Variants in PC observed in about 807,000 individuals in gnomAD.
PC encodes pyruvate carboxylase, also known as pyruvate carboxylase, mitochondrial.
Under a neutral mutation model 107.8 loss-of-function variants are expected in PC, and 46 were observed. The observed-to-expected ratio is 0.43, with a 90% confidence interval of 0.34 to 0.55. The LOEUF (loss-of-function observed/expected upper bound fraction) is 0.55. Among genes scored for constraint, PC ranks in the 20% least tolerant of loss-of-function variants. The probability of loss-of-function intolerance (pLI) is 0.04; values close to 1 mark genes in which losing one functional copy is unlikely to be tolerated. For missense variants in PC, 1,241 were observed against 1,643.1 expected (o/e 0.76, Z 4.23); for synonymous variants, 662 against 684.7 (o/e 0.97, Z 0.52).
At chr11:66,951,401 G>C (rs2136155084) in intron 3 of PC, among the ~76,000 whole-genome samples, 1 of 152,220 alleles carries the variant, frequency 6.6e-6, no homozygotes, top group Non-Finnish European at 1.5e-5. Context: ...TTTAGGCTGA[G>C]GGGAGGCCAC....
Position 66,852,494 on chromosome 11 carries a change from G to A in PC, c.1770C>T (p.Ile590=), listed in dbSNP as rs199923862. The change falls in exon 15 of 23, where the codon ATC becomes ATT. Residue 590 remains isoleucine (I), a synonymous_variant. Transcript: ENST00000393960. The surrounding 1 kb of genome is among the most constrained non-coding windows in gnomAD (Gnocchi z 4.7). Reference sequence around the variant, plus strand: ...TGAAGTTGTGGGCAACATAGGGGGCGATCTTTTTGAGATCGTGGGTGCGCA... The same window carrying A: ...TGAAGTTGTGGGCAACATAGGGGGCAATCTTTTTGAGATCGTGGGTGCGCA... ...TRVRTHDLKK[I]APYVAHNFSK... 4.0e-5 allele frequency: 65 copies of A among 1,614,066 alleles called. No individual in the cohort carries two copies. The highest frequency in any genetic ancestry group is 5.3e-5 in the African/African-American group (4 of 75,046).
intron 3 of PC, among the ~76,000 whole-genome samples, chr11:66,942,538 A>G (rs1217421995): frequency 1.3e-5 from 2 of 152,186 alleles, no homozygotes; most frequent in Non-Finnish European, 2.9e-5. Context: ...GAGCAGTCCA[A>G]TTCAGAGACA....
At chr11:66,868,351 G>A (rs1413029708) in intron 10 of PC, among the ~76,000 whole-genome samples, 1 of 152,234 alleles carries the variant, frequency 6.6e-6, no homozygotes, top group Non-Finnish European at 1.5e-5. Flanking sequence ...CAGAATTATG[G>A]CCTGGGGAAA....
rs1376252030 is a variant in PC at position 66,870,200 on chromosome 11, G to C, written c.903+102C>G. On this transcript the variant is annotated intron_variant, in intron 9 of 22. Transcript: ENST00000393960. The surrounding 1 kb of genome is among the most constrained non-coding windows in gnomAD (Gnocchi z 6.1). ...CTCTTCTCCCCATCCCCAGTCCCCA[G>C]AAGGGGACTCAGGGTCCCCTTCCCC... 7.1e-7 allele frequency: 1 copy of C among 1,418,082 alleles called. No homozygotes were observed. Among genetic ancestry groups the C allele is most frequent in the Non-Finnish European group, 9.8e-7 (1 of 1,018,872 alleles). The allele number at this position is 1,418,082 out of a possible 1,614,324, so 87.8% of individuals were successfully genotyped here.
chr11:66,937,553 T>C (rs1261831343), intron 3 of PC, among the ~76,000 whole-genome samples: 2 of 152,130 alleles, frequency 1.3e-5, no homozygotes, highest in Non-Finnish European at 2.9e-5. Context: ...TCTCCTCTCC[T>C]TCTGGGACTC....
At position 66,872,003 on chromosome 11, in the gene PC, AC is replaced by A. The variant is rs1946755125; in HGVS notation, c.136+20del. ...CTGGGGCGGCCATGAGGCTCCTCTC[AC>A]CGGCCCCACTGGTGCTCACCTCTGT... On this transcript the variant is annotated intron_variant, in intron 4 of 22. Transcript: ENST00000393960. The A allele has an allele frequency of 1.3e-6, 2 of 1,556,932 alleles. No homozygotes were observed. Among genetic ancestry groups the A allele is most frequent in the Non-Finnish European group, 1.7e-6 (2 of 1,150,312 alleles).
At chr11:66,936,965 C>G (rs561985225) in intron 3 of PC, among the ~76,000 whole-genome samples, 1 of 152,130 alleles carries the variant, frequency 6.6e-6, no homozygotes, top group African/African-American at 2.4e-5. Flanking sequence ...GCCTCAGCCC[C>G]CTAAGTAGCT....
intron 3 of PC, among the ~76,000 whole-genome samples, chr11:66,909,283 T>C (rs1297295399): frequency 1.3e-5 from 2 of 152,186 alleles, no homozygotes; most frequent in East Asian, 3.9e-4. Flanking sequence ...AGTATCTGCA[T>C]GGAGCCTGCA....
chr11:66,863,991 G>A (rs773051907), intron 11 of PC, 35 bp from the exon 12 acceptor site: 1 of 1,611,282 alleles, frequency 6.2e-7, no homozygotes, highest in African/African-American at 1.3e-5. Flanking sequence ...ACCTGCGCCA[G>A]AAACTGCGGT....
chr11:66,858,853 C>T lies in PC; in HGVS notation c.1368+4921G>A, dbSNP rs749886260. The T allele has an allele frequency of 6.4e-7, 1 of 1,553,476 alleles. No homozygotes were observed. Among genetic ancestry groups the T allele is most frequent in the South Asian group, 1.2e-5 (1 of 85,992 alleles). ...GCCCGAGTAGAACTGCGGGTGCTGGCCTTGCCCCATGGTGGGAACAGCAGT... is the reference window on the plus strand; with the variant it reads ...GCCCGAGTAGAACTGCGGGTGCTGGTCTTGCCCCATGGTGGGAACAGCAGT... On this transcript the variant is annotated intron_variant, in intron 12 of 22. Transcript: ENST00000393960. This position sits in a 1 kb window ranked among gnomAD's most constrained non-coding sequence, Gnocchi z 5.9.
chr11:66,920,908 G>A (rs931042698), intron 3 of PC, among the ~76,000 whole-genome samples: 1 of 152,052 alleles, frequency 6.6e-6, no homozygotes, highest in African/African-American at 2.4e-5. Context: ...CATGGTGGTA[G>A]GTGCCTGTAG....
At chr11:66,926,586 C>T (rs1019069334) in intron 3 of PC, among the ~76,000 whole-genome samples, 2 of 152,300 alleles carry the variant, frequency 1.3e-5, no homozygotes, top group Admixed American at 6.5e-5. Context: ...TAATGATGCA[C>T]ATATTCTGGT....
rs1946385046 is a variant in PC at position 66,863,949 on chromosome 11, C to T, written c.1193G>A (p.Arg398Gln). The change falls in exon 12 of 23, where the codon CGG (arginine) becomes CAG (glutamine). Residue 398 changes from arginine to glutamine, a missense_variant. This residue lies in a region of PC where 1,143 missense variants were observed against 1,551.9 expected (regional missense o/e 0.74). Transcript: ENST00000393960. ...QPDTGRIEVF[R>Q]SGEGMGIRLD... ...GCGGATGCCCATGCCCTCTCCGCTC[C>T]GGAACACCTGTGGGAAGGGTGAGGC... The T allele has an allele frequency of 1.9e-6, 3 of 1,613,812 alleles. No homozygotes were observed. Among genetic ancestry groups the T allele is most frequent in the South Asian group, 2.2e-5 (2 of 91,086 alleles).
intron 3 of PC, among the ~76,000 whole-genome samples, chr11:66,909,449 C>T (rs77369988): frequency 5.9e-5 from 9 of 152,208 alleles, no homozygotes; most frequent in Middle Eastern, 3.2e-3. Flanking sequence ...GCCGCTCCCC[C>T]CCGAAGAGAA....
In PC at chr11:66,849,201, C is replaced by T. The variant is rs45441301; in HGVS notation, c.3288+29G>A. The stretch of plus-strand genomic sequence containing the variant: ...CATCCTGGGCCCAGCCAAGCCCCAC[C>T]GCCTGGCTGGCCCTGGGGGAGACAA... On this transcript the variant is annotated intron_variant, in intron 22 of 22. Transcript: ENST00000393960. The T allele has an allele frequency of 2.4e-3, 3,873 of 1,613,728 alleles. 6 individuals are homozygous for T. Among genetic ancestry groups the T allele is most frequent in the African/African-American group, 3.8e-3 (286 of 75,048 alleles).
At chr11:66,914,708 G>A (rs969440824) in intron 3 of PC, among the ~76,000 whole-genome samples, 6 of 152,258 alleles carry the variant, frequency 3.9e-5, no homozygotes, top group East Asian at 1.9e-4. Flanking sequence ...CATTTCTGCC[G>A]TCGCCTCCAA....
At chr11:66,913,388 T>C (rs770102891) in intron 3 of PC, among the ~76,000 whole-genome samples, 1 of 151,778 alleles carries the variant, frequency 6.6e-6, no homozygotes, top group Non-Finnish European at 1.5e-5. Context: ...TGATTCCCAC[T>C]AAAGAAATAC....
intron 11 of PC, 123 bp from the exon 12 acceptor site, chr11:66,864,079 A>G (rs961810342): frequency 1.0e-6 from 1 of 956,150 alleles, no homozygotes; most frequent in Non-Finnish European, 1.7e-6. Flanking sequence ...GGGTGTCTGC[A>G]GGTGAATCCC....
intron 3 of PC, among the ~76,000 whole-genome samples, chr11:66,879,319 T>C (rs1225496005): frequency 2.0e-5 from 3 of 152,170 alleles, no homozygotes; most frequent in African/African-American, 4.8e-5. Context: ...CCACATACAC[T>C]TGGAGCAAAC....
Sources: allele counts gnomAD v4.1 joint callset (sites outside exome capture counted in the v4.1 genomes callset), GRCh38; gene constraint gnomAD v4.1.1; regional missense constraint gnomAD v4.1.1; non-coding constraint Gnocchi (gnomAD v3.1); transcripts MANE v1.5; gene names NCBI Gene and HGNC (gene_info 2026-07-23, HGNC 2026-07-21).